The following SHC2 variants were observed in gnomAD, a reference collection of about 807,000 sequenced individuals.
SHC2 encodes SHC-transforming protein 2.
A neutral mutation model predicts 60.6 loss-of-function variants in SHC2; 62 were observed. The ratio of observed to expected loss-of-function variants is 1.02; its 90% CI spans 0.83 to 1.26. SHC2 has a LOEUF of 1.26. Ranked by LOEUF, SHC2 falls within the 50% of genes most tolerant of loss-of-function variation. The probability of loss-of-function intolerance (pLI) is 0.00; values close to 1 mark genes in which losing one functional copy is unlikely to be tolerated. For synonymous variants in SHC2, 375 were observed against 372.4 expected, an observed-to-expected ratio of 1.01 and a Z score of -0.08; for missense variants, 873 against 822.2, an observed-to-expected ratio of 1.06 and a Z score of -0.76.
At position 438,631 on chromosome 19, in the gene SHC2, G is replaced by A. The variant is rs1429506911; in HGVS notation, c.720+87C>T. ...TCTGGATAAACGCCACCTGCTGCCC[G>A]CCCCCAGCACCCCACCTGGCTTTGC... On this transcript the variant is annotated intron_variant, in intron 4 of 12. Coordinates refer to ENST00000264554, the MANE Select transcript of SHC2 (RefSeq NM_012435.3). This position sits in a 1 kb window ranked among gnomAD's most constrained non-coding sequence, Gnocchi z 5.0. 1.5e-5 allele frequency: 21 copies of A among 1,433,360 alleles called. No homozygotes were observed. Among genetic ancestry groups the A allele is most frequent in the East Asian group, 5.0e-5 (2 of 39,984 alleles). The allele number at this position is 1,433,360 out of a possible 1,614,324, so 88.8% of individuals were successfully genotyped here.
At chr19:442,502 G>A (rs2145730481) in intron 1 of SHC2, among the ~76,000 whole-genome samples, 2 of 108,040 alleles carry the variant, frequency 1.9e-5, no homozygotes, top group South Asian at 3.5e-4. Context: ...TGGATGGATG[G>A]ACGGATGGAT....
rs111262090 is a variant in SHC2 at position 446,813 on chromosome 19, A to C, written c.469-5881T>G. On this transcript the variant is annotated intron_variant, in intron 1 of 12. Coordinates refer to ENST00000264554, the MANE Select transcript of SHC2 (RefSeq NM_012435.3). This position sits in a 1 kb window ranked among gnomAD's most constrained non-coding sequence, Gnocchi z 5.4. ...GCCACTGTACAAGTCAGTAAACCGA[A>C]GCCCAGAGAGGGGATGGCACCTGGC... is the stretch of plus-strand genomic sequence containing the variant. Among the ~76,000 whole-genome samples the C allele has an allele frequency of 6.6e-6, 1 of 152,120 alleles. No homozygotes were observed. The highest frequency in any genetic ancestry group is 1.9e-4 in the East Asian group (1 of 5,176).
intron 9 of SHC2, among the ~76,000 whole-genome samples, chr19:428,567 AC>A (rs1270206510): frequency 1.3e-5 from 2 of 152,232 alleles, no homozygotes; most frequent in African/African-American, 4.8e-5. Flanking sequence ...GCTATGACGC[AC>A]GTTTGAACTG....
intron 1 of SHC2, among the ~76,000 whole-genome samples, chr19:451,679 C>T (rs1175347604): frequency 6.6e-6 from 1 of 152,190 alleles, no homozygotes; most frequent in East Asian, 1.9e-4. Context: ...CTCACTGCAA[C>T]CTCCACCTCT....
intron 1 of SHC2, among the ~76,000 whole-genome samples, chr19:448,885 G>T (rs2145744096): frequency 6.6e-6 from 1 of 152,220 alleles, no homozygotes; most frequent in Admixed American, 6.5e-5. Flanking sequence ...GGGGCAAGTG[G>T]CTCACGCCTC....
At position 417,684 on chromosome 19, in the gene SHC2, C is replaced by T. The variant is rs190846568; in HGVS notation, c.*6-362G>A. On this transcript the variant is annotated intron_variant, in intron 12 of 12. Coordinates refer to ENST00000264554, the MANE Select transcript of SHC2 (RefSeq NM_012435.3). ...ATTTCTGGGGTCACCAACGCCTTTC[C>T]GAGGGGACGCAGGCAGGGACCGGTG... Among the ~76,000 whole-genome samples the T allele has an allele frequency of 1.9e-3, 289 of 152,330 alleles. 2 individuals carry two copies. The highest frequency in any genetic ancestry group is 6.4e-3 in the African/African-American group (267 of 41,566).
In SHC2 at chr19:438,596, G is replaced by A. The variant is rs975780837; in HGVS notation, c.720+122C>T. On this transcript the variant is annotated intron_variant, in intron 4 of 12. Transcript: ENST00000264554. This position sits in a 1 kb window ranked among gnomAD's most constrained non-coding sequence, Gnocchi z 5.0. ...CCCAGCTCCTGCTCAGCGGGGCCTC[G>A]GCTCGTCTTTCTGGATAAACGCCAC... The A allele has an allele frequency of 3.1e-5, 37 of 1,183,976 alleles. No homozygotes were observed. The highest frequency in any genetic ancestry group is 3.0e-4 in the African/African-American group (20 of 65,708). The allele number at this position is 1,183,976 out of a possible 1,614,324, so 73.3% of individuals were successfully genotyped here.
chr19:437,527 C>G (rs555651231), intron 4 of SHC2, among the ~76,000 whole-genome samples: 2 of 152,212 alleles, frequency 1.3e-5, no homozygotes, highest in East Asian at 3.9e-4. Context: ...TAGGGACCCT[C>G]GAGGCTCTCC....
rs1017382862 is a variant in SHC2, at chr19:453,856, C to T, written c.468+6673G>A. Among the ~76,000 whole-genome samples, 1 of 152,216 alleles carries T rather than the reference C, an allele frequency of 6.6e-6. No individual in the cohort carries two copies. Among genetic ancestry groups the T allele is most frequent in the Admixed American group, 6.5e-5 (1 of 15,280 alleles). On this transcript the variant is annotated intron_variant, in intron 1 of 12. Coordinates refer to ENST00000264554, the MANE Select transcript of SHC2 (RefSeq NM_012435.3). This position sits in a 1 kb window ranked among gnomAD's most constrained non-coding sequence, Gnocchi z 6.3. ...CGCACAGGAAACTCTCCCTGAAGTG[C>T]TCACGAGGTGAGGTGCGTGAGGGCA...
intron 12 of SHC2, 145 bp downstream of exon 12, chr19:418,778 G>T: frequency 1.1e-6 from 1 of 903,160 alleles, no homozygotes; most frequent in Non-Finnish European, 1.6e-6. Flanking sequence ...CGACAGAGAT[G>T]GTTGCACGGC....
At position 453,305 on chromosome 19, in the gene SHC2, T is replaced by G. The variant is rs1411097138; in HGVS notation, c.468+7224A>C. 6.6e-6 allele frequency: 1 copy of G among 152,162 alleles called. No homozygotes were observed. Among genetic ancestry groups the G allele is most frequent in the East Asian group, 1.9e-4 (1 of 5,180 alleles). 9.4% of individuals were successfully genotyped at this position (152,162 alleles called of 1,614,324 possible). On this transcript the variant is annotated intron_variant, in intron 1 of 12. Coordinates refer to ENST00000264554, the MANE Select transcript of SHC2 (RefSeq NM_012435.3). The surrounding 1 kb of genome is among the most constrained non-coding windows in gnomAD (Gnocchi z 6.3). ...TTGTTTCTGAGGCAGGGTCTTGCTC[T>G]GTCACCCAGGCTGGAGGGCAGTGGC...
In SHC2 at chr19:438,618, C is replaced by T. The variant is rs914435187; in HGVS notation, c.720+100G>A. The T allele has an allele frequency of 2.6e-5, 35 of 1,365,292 alleles. No individual in the cohort carries two copies. Among genetic ancestry groups the T allele is most frequent in the Non-Finnish European group, 3.1e-5 (31 of 1,011,786 alleles). 84.6% of individuals were successfully genotyped at this position (1,365,292 alleles called of 1,614,324 possible). On this transcript the variant is annotated intron_variant, in intron 4 of 12. Transcript: ENST00000264554. The surrounding 1 kb of genome is among the most constrained non-coding windows in gnomAD (Gnocchi z 5.0). Reference sequence around the variant, plus strand: ...CTCGGCTCGTCTTTCTGGATAAACGCCACCTGCTGCCCGCCCCCAGCACCC... The same window carrying T: ...CTCGGCTCGTCTTTCTGGATAAACGTCACCTGCTGCCCGCCCCCAGCACCC...
intron 9 of SHC2, among the ~76,000 whole-genome samples, chr19:428,467 C>G (rs144343226): frequency 6.6e-6 from 1 of 152,336 alleles, no homozygotes; most frequent in Non-Finnish European, 1.5e-5. Context: ...GTCTGGCGTG[C>G]ACAGTGTGGG....
At chr19:456,945 C>T (rs1975359083) in intron 1 of SHC2, among the ~76,000 whole-genome samples, 1 of 143,762 alleles carries the variant, frequency 7.0e-6, no homozygotes, top group African/African-American at 2.8e-5. Context: ...CTGTGCCCCG[C>T]CCCTAGAACT....
At chr19:443,413 A>G (rs1187295973) in intron 1 of SHC2, among the ~76,000 whole-genome samples, 474 of 45,492 alleles carry the variant, frequency 0.01, no homozygotes, top group Admixed American at 0.013. Flanking sequence ...TGGACGGGTG[A>G]GTGGATGGGT....
chr19:436,219 A>C lies in SHC2; in HGVS notation c.899T>G (p.Leu300Arg), dbSNP rs1423311175. The C allele has an allele frequency of 1.2e-6, 2 of 1,604,384 alleles. No homozygotes were observed. Among genetic ancestry groups the C allele is most frequent in the South Asian group, 2.2e-5 (2 of 89,370 alleles). The change falls in exon 7 of 13, where the codon CTG becomes CGG. Residue 300 changes from leucine (L) to arginine (R), a missense_variant. Coordinates refer to ENST00000264554, the MANE Select transcript of SHC2 (RefSeq NM_012435.3). ...IISTVGQAFELRFKQYLHSPP... is the reference protein window; with the variant it reads ...IISTVGQAFERRFKQYLHSPP... ...GCTGTGCAGGTACTGCTTGAAGCGCAGCTCGAAAGCTTGGCCCACGGTGCT... is the reference window on the plus strand; with the variant it reads ...GCTGTGCAGGTACTGCTTGAAGCGCCGCTCGAAAGCTTGGCCCACGGTGCT...
rs1439147545 is a variant in SHC2, at chr19:425,607, A to G, written c.1175-376T>C. On this transcript the variant is annotated intron_variant, in intron 9 of 12. Transcript: ENST00000264554. This position sits in a 1 kb window ranked among gnomAD's most constrained non-coding sequence, Gnocchi z 4.1. Reference sequence around the variant, plus strand: ...TGTTCAGTCTCCACATTTAAAAATAATCACAGTAACTCTGCTTCCCTGTAA... The same window carrying G: ...TGTTCAGTCTCCACATTTAAAAATAGTCACAGTAACTCTGCTTCCCTGTAA... Among the ~76,000 whole-genome samples the G allele has an allele frequency of 6.6e-6, 1 of 152,260 alleles. No homozygotes were observed. The highest frequency in any genetic ancestry group is 1.5e-5 in the Non-Finnish European group (1 of 68,044).
chr19:427,246 G>A (rs1354818115), intron 9 of SHC2, among the ~76,000 whole-genome samples: 5 of 152,240 alleles, frequency 3.3e-5, no homozygotes, highest in Non-Finnish European at 7.3e-5. Flanking sequence ...AGCCGCAGGC[G>A]GGGCTGGTGG....
At chr19:457,862 G>A (rs1975390889) in intron 1 of SHC2, among the ~76,000 whole-genome samples, 1 of 152,276 alleles carries the variant, frequency 6.6e-6, no homozygotes, top group Non-Finnish European at 1.5e-5. Context: ...CAAACCGCCG[G>A]GAGACGGCGA....
Sources: gnomAD v4.1 joint callset for allele counts (sites outside exome capture counted in the v4.1 genomes callset) on GRCh38, gnomAD v4.1.1 for gene constraint, Gnocchi (gnomAD v3.1) non-coding constraint, MANE v1.5 for transcripts, NCBI Gene and HGNC (gene_info 2026-07-23, HGNC 2026-07-21) for gene names.